Variants in UBN2 observed in about 807,000 individuals in gnomAD.
UBN2 encodes the protein ubinuclein-2.
In UBN2, 35 loss-of-function variants were observed where a neutral mutation model predicts 120.2. The observed-to-expected ratio is 0.29, with a 90% confidence interval of 0.22 to 0.39. The LOEUF is 0.39. Ranked by LOEUF, UBN2 falls within the 10% of genes least tolerant of loss-of-function variation. The pLI, the probability that UBN2 is intolerant of heterozygous loss-of-function variation, is 1.00. For synonymous variants in UBN2, 661 were observed against 648.7 expected (o/e 1.02, Z -0.29); for missense variants, 1,693 against 1,663.2 (o/e 1.02, Z -0.31).
chr7:139,274,313 C>T (rs1797378314), intron 11 of UBN2, among the ~76,000 whole-genome samples: 1 of 151,726 alleles, frequency 6.6e-6, no homozygotes, highest in Non-Finnish European at 1.5e-5. Context: ...TTTTTTAACA[C>T]CCAAATTTGC....
chr7:139,274,359 T>A (rs1211144239), intron 11 of UBN2, among the ~76,000 whole-genome samples: 1 of 152,032 alleles, frequency 6.6e-6, no homozygotes, highest in Non-Finnish European at 1.5e-5. Flanking sequence ...GACTCCCAAA[T>A]GGTTATGAAG....
chr7:139,256,440 C>T (rs1274692715), intron 3 of UBN2, among the ~76,000 whole-genome samples: 1 of 152,110 alleles, frequency 6.6e-6, no homozygotes, highest in Non-Finnish European at 1.5e-5. Context: ...TTGGAGGCAG[C>T]CACTGACTTT....
chr7:139,303,140 G>A lies in UBN2; in HGVS notation c.*5304G>A, dbSNP rs559320605. ...TAAACTCAGAAGTAGAAAGACTTCAGATGCTGAGGAAAACATATAATCTAT... is the reference window on the plus strand; with the variant it reads ...TAAACTCAGAAGTAGAAAGACTTCAAATGCTGAGGAAAACATATAATCTAT... On this transcript the variant is annotated 3_prime_UTR_variant, in exon 18 of 18. Coordinates refer to ENST00000473989, the MANE Select transcript of UBN2 (RefSeq NM_173569.4). 1 of 152,348 alleles carries A rather than the reference G, an allele frequency of 6.6e-6. No individual in the cohort carries two copies. The highest frequency in any genetic ancestry group is 1.9e-4 in the East Asian group (1 of 5,188). The allele number at this position is 152,348 out of a possible 1,614,324, so 9.4% of individuals were successfully genotyped here. A position where few individuals can be genotyped will look rare whatever the true frequency, so the allele number is the denominator to read the frequency against.
At chr7:139,251,324 TG>T (rs1439396877) in intron 2 of UBN2, among the ~76,000 whole-genome samples, 4 of 152,238 alleles carry the variant, frequency 2.6e-5, no homozygotes, top group African/African-American at 9.6e-5. Flanking sequence ...GCAATTTGTA[TG>T]TTTGTTACAG....
At position 139,231,630 on chromosome 7, in the gene UBN2, C is replaced by A. The variant is rs1459738837; in HGVS notation, c.146C>A (p.Ala49Glu). ...EPQPYREPAR[A>E]EPPAPREPAP... is the part of the protein sequence containing the mutation. ...CAGCCGTACCGCGAGCCGGCCCGGG[C>A]GGAGCCGCCGGCCCCGCGGGAGCCT... The change falls in exon 1 of 18, where the codon GCG becomes GAG. Residue 49 changes from alanine to glutamate, a missense_variant. This residue lies in a region of UBN2 where 663 missense variants were observed against 591.2 expected (regional missense o/e 1.12). Transcript: ENST00000473989. The A allele has an allele frequency of 8.0e-7, 1 of 1,247,458 alleles. No individual in the cohort carries two copies. The highest frequency in any genetic ancestry group is 1.0e-6 in the Non-Finnish European group (1 of 997,100). The allele number at this position is 1,247,458 out of a possible 1,614,324, so 77.3% of individuals were successfully genotyped here.
the UBN2 span, among the ~76,000 whole-genome samples, chr7:139,323,739 G>A: frequency 3.4e-3 from 519 of 151,942 alleles, 3 homozygotes; most frequent in African/African-American, 0.012. Flanking sequence ...ACAGGCGCCC[G>A]CCACCAAGCC....
the UBN2 span, among the ~76,000 whole-genome samples, chr7:139,314,925 A>G: frequency 2.0e-5 from 3 of 151,798 alleles, no homozygotes; most frequent in East Asian, 5.8e-4. Context: ...ATGTTTTTGG[A>G]TGCATATATG....
At chr7:139,277,496 A>T (rs1302219392) in intron 12 of UBN2, 1 of 152,268 alleles carries the variant, frequency 6.6e-6, no homozygotes, top group Non-Finnish European at 1.5e-5. Flanking sequence ...ATCATAAGGA[A>T]GAGAAATTAT....
rs1798214843 is a variant in UBN2, at chr7:139,299,984, A to G, written c.*2148A>G. ...TATATATGTTTGTCTGTATGTATAT[A>G]TACATACACACATACATTCATATAA... On this transcript the variant is annotated 3_prime_UTR_variant, in exon 18 of 18. Coordinates refer to ENST00000473989, the MANE Select transcript of UBN2 (RefSeq NM_173569.4). 6.6e-6 allele frequency: 1 copy of G among 152,134 alleles called. No individual in the cohort carries two copies. Among genetic ancestry groups the G allele is most frequent in the Non-Finnish European group, 1.5e-5 (1 of 68,028 alleles). 9.4% of individuals were successfully genotyped at this position (152,134 alleles called of 1,614,324 possible).
At chr7:139,248,987 G>A (rs893225773) in intron 2 of UBN2, among the ~76,000 whole-genome samples, 2 of 151,318 alleles carry the variant, frequency 1.3e-5, no homozygotes, top group Admixed American at 6.6e-5. Flanking sequence ...GTATATATGT[G>A]TATATGTATA....
intron 1 of UBN2, among the ~76,000 whole-genome samples, chr7:139,232,252 C>G (rs1796045605): frequency 1.3e-5 from 2 of 152,382 alleles, no homozygotes; most frequent in East Asian, 3.9e-4. Flanking sequence ...TTCCTTCTTT[C>G]CTTTCTGCTC....
intron 3 of UBN2, among the ~76,000 whole-genome samples, chr7:139,254,219 G>C (rs1231410483): frequency 6.6e-6 from 1 of 152,090 alleles, no homozygotes; most frequent in African/African-American, 2.4e-5. Flanking sequence ...CTTGAACCCG[G>C]GAGGCGGAGC....
intron 15 of UBN2, among the ~76,000 whole-genome samples, chr7:139,290,786 A>C (rs1273858847): frequency 6.6e-6 from 1 of 152,184 alleles, no homozygotes; most frequent in Non-Finnish European, 1.5e-5. Context: ...ACCAGGAAGA[A>C]GGCTGCTTGC....
At chr7:139,320,869 A>G in the UBN2 span, among the ~76,000 whole-genome samples, 1 of 151,866 alleles carries the variant, frequency 6.6e-6, no homozygotes. Context: ...AAAAAAAAAA[A>G]CAAACCATTC....
At position 139,308,063 on chromosome 7, in the gene UBN2, C is replaced by T. The variant is rs1276492760; in HGVS notation, c.*10227C>T. 1.3e-5 allele frequency: 2 copies of T among 149,482 alleles called. No homozygotes were observed. The highest frequency in any genetic ancestry group is 3.0e-5 in the Non-Finnish European group (2 of 67,656). The allele number at this position is 149,482 out of a possible 1,614,324, so 9.3% of individuals were successfully genotyped here. ...TTTTAATTTTTTTGCAACAGCCTTG[C>T]TCATATTCCAGGTGTAGCTAGCAAA... On this transcript the variant is annotated 3_prime_UTR_variant, in exon 18 of 18. Coordinates refer to ENST00000473989, the MANE Select transcript of UBN2 (RefSeq NM_173569.4).
chr7:139,273,558 G>C (rs1318685835), intron 10 of UBN2, 148 bp downstream of exon 10: 1 of 546,408 alleles, frequency 1.8e-6, no homozygotes, highest in African/African-American at 1.9e-5. Context: ...GATTAATTGG[G>C]CTCTAATATC....
chr7:139,308,004 C>G lies in UBN2; in HGVS notation c.*10168C>G, dbSNP rs1798392892. The G allele has an allele frequency of 6.6e-6, 1 of 150,536 alleles. No homozygotes were observed. Among genetic ancestry groups the G allele is most frequent in the Non-Finnish European group, 1.5e-5 (1 of 67,828 alleles). The allele number at this position is 150,536 out of a possible 1,614,324, so 9.3% of individuals were successfully genotyped here. On this transcript the variant is annotated 3_prime_UTR_variant, in exon 18 of 18. Transcript: ENST00000473989. Reference sequence around the variant, plus strand: ...GTAAATTACCCCCATGAATATACTCCTTCAGTGCAGGGATTTTTGTGTTTT... The same window carrying G: ...GTAAATTACCCCCATGAATATACTCGTTCAGTGCAGGGATTTTTGTGTTTT...
the UBN2 span, among the ~76,000 whole-genome samples, chr7:139,324,374 G>A: frequency 2.0e-5 from 3 of 150,678 alleles, no homozygotes; most frequent in South Asian, 4.2e-4. Context: ...TCGAGACCAC[G>A]GTGAAACCCC....
At chr7:139,270,749 A>ATT (rs1016835961) in intron 8 of UBN2, among the ~76,000 whole-genome samples, 1 of 144,078 alleles carries the variant, frequency 6.9e-6, no homozygotes, top group East Asian at 2.1e-4. Flanking sequence ...TCACTTTTTA[A>ATT]TTTTTTTTTT....
Sources: gnomAD v4.1 joint callset for allele counts (sites outside exome capture counted in the v4.1 genomes callset) on GRCh38, gnomAD v4.1.1 for gene constraint, gnomAD v4.1.1 regional missense constraint, MANE v1.5 for transcripts, NCBI Gene and HGNC (gene_info 2026-07-23, HGNC 2026-07-21) for gene names.